PPIA: variants seen among roughly 807,000 people sequenced by gnomAD.
The protein encoded by PPIA is peptidylprolyl isomerase A.
PPIA carries 2 observed loss-of-function variants against 15.3 expected under a neutral mutation model. The ratio of observed to expected loss-of-function variants is 0.13; its 90% CI spans 0.05 to 0.41. The LOEUF (loss-of-function observed/expected upper bound fraction) is 0.41, where lower values mean the gene tolerates loss of function less well. Among genes scored for constraint, PPIA ranks in the 10% least tolerant of loss-of-function variants. PPIA has a pLI of 0.99. For synonymous variants in PPIA, 67 were observed against 73.1 expected (o/e 0.92, Z 0.43); for missense variants, 103 against 210.3 (o/e 0.49, Z 3.16).
At chr7:44,798,900 G>T in intron 1 of PPIA, 1 of 1,061,250 alleles carries the variant, frequency 9.4e-7, no homozygotes, top group Non-Finnish European at 1.1e-6. Context: ...TTAGAATTTT[G>T]CCTTGTAAGT....
chr7:44,799,642 A>C (rs556035722), intron 3 of PPIA, 60 bp from the exon 4 acceptor site: 1 of 1,606,476 alleles, frequency 6.2e-7, no homozygotes, highest in East Asian at 2.2e-5. Flanking sequence ...TGAACCTTGC[A>C]GATTTGGCAC....
intron 4 of PPIA, 63 bp from the exon 5 acceptor site, chr7:44,801,224 C>A (rs2116990537): frequency 6.5e-7 from 1 of 1,549,174 alleles, no homozygotes; most frequent in Non-Finnish European, 8.8e-7. Flanking sequence ...CGTCTTGGTT[C>A]ATGACACATG....
chr7:44,799,514 T>A, intron 3 of PPIA, 34 bp downstream of exon 3: 1 of 1,602,922 alleles, frequency 6.2e-7, no homozygotes, highest in African/African-American at 1.3e-5. Context: ...TTTATTTGGG[T>A]TGCTCCCTTC....
At chr7:44,799,651 A>C in intron 3 of PPIA, 51 bp from the exon 4 acceptor site, 1 of 1,609,950 alleles carries the variant, frequency 6.2e-7, no homozygotes, top group Admixed American at 1.7e-5. Flanking sequence ...CAGATTTGGC[A>C]CACTTCATGG....
rs1160862254 is a variant in PPIA at position 44,802,980 on chromosome 7, A to T, written c.*1558A>T. ...TCTGGTTCCTTCTGCGTGAATTACCACCACCACCACTTGTGCATCTCAGTC... is the reference window on the plus strand; with the variant it reads ...TCTGGTTCCTTCTGCGTGAATTACCTCCACCACCACTTGTGCATCTCAGTC... On this transcript the variant is annotated 3_prime_UTR_variant, in exon 5 of 5. Coordinates refer to ENST00000468812, the MANE Select transcript of PPIA (RefSeq NM_021130.5). 6.6e-6 allele frequency: 1 copy of T among 152,016 alleles called. No homozygotes were observed. 9.4% of individuals were successfully genotyped at this position (152,016 alleles called of 1,614,324 possible).
intron 1 of PPIA, among the ~76,000 whole-genome samples, chr7:44,797,543 C>T (rs1583688612): frequency 6.6e-6 from 1 of 152,154 alleles, no homozygotes; most frequent in African/African-American, 2.4e-5. Flanking sequence ...GGGGGAGGCG[C>T]TCTTGAGCCC....
chr7:44,796,859 G>C, intron 1 of PPIA, 66 bp downstream of exon 1: 1 of 1,513,520 alleles, frequency 6.6e-7, no homozygotes, highest in Non-Finnish European at 9.0e-7. Flanking sequence ...GTGGGTGGTA[G>C]CGCCCCAAAG....
intron 1 of PPIA, 53 bp downstream of exon 1, chr7:44,796,846 G>A (rs1792382565): frequency 3.9e-6 from 6 of 1,554,364 alleles, no homozygotes; most frequent in South Asian, 1.2e-5. Flanking sequence ...GGCCGGGGTC[G>A]GGGTGGGTGG....
At chr7:44,800,737 C>T (rs17860072) in intron 4 of PPIA, among the ~76,000 whole-genome samples, 232 of 151,784 alleles carry the variant, frequency 1.5e-3, no homozygotes, top group Non-Finnish European at 2.4e-3. Context: ...TAATAACATG[C>T]GGTTGGTTGG....
chr7:44,800,248 C>T (rs1182143895), intron 4 of PPIA, among the ~76,000 whole-genome samples: 4 of 152,106 alleles, frequency 2.6e-5, no homozygotes, highest in African/African-American at 4.8e-5. Context: ...GCCAGCATGC[C>T]TGGCTAATTT....
intron 3 of PPIA, 80 bp from the exon 4 acceptor site, chr7:44,799,622 G>A (rs1792485836): frequency 1.3e-6 from 2 of 1,595,048 alleles, no homozygotes; most frequent in South Asian, 2.2e-5. Context: ...TTGAACTTGG[G>A]TTTAAAGTTT....
chr7:44,801,640 TG>T lies in PPIA; in HGVS notation c.*219del, dbSNP rs1792565272. 22 of 415,628 alleles carry T rather than the reference TG, an allele frequency of 5.3e-5. No individual in the cohort carries two copies. The highest frequency in any genetic ancestry group is 9.3e-5 in the Non-Finnish European group (21 of 225,974). The allele number at this position is 415,628 out of a possible 1,614,324, so 25.7% of individuals were successfully genotyped here. ...AAACTAAATAACAATTGTCCTCGTT[TG>T]AGTTAAGAGTGTTGATGTAGGCTTT... On this transcript the variant is annotated 3_prime_UTR_variant, in exon 5 of 5. Coordinates refer to ENST00000468812, the MANE Select transcript of PPIA (RefSeq NM_021130.5).
intron 1 of PPIA, among the ~76,000 whole-genome samples, chr7:44,797,040 T>TCCGC (rs376541230): frequency 1.6e-4 from 24 of 152,186 alleles, no homozygotes; most frequent in Middle Eastern, 3.4e-3. Flanking sequence ...GGGGCCCGCG[T>TCCGC]CCGCCCGCCC....
intron 4 of PPIA, chr7:44,800,493 C>A: frequency 6.5e-6 from 1 of 153,952 alleles, no homozygotes; most frequent in Non-Finnish European, 1.4e-5. Flanking sequence ...AACCTCCTCC[C>A]GGGTTCAAGC....
chr7:44,798,049 G>C (rs1049717200), intron 1 of PPIA: 1 of 152,168 alleles, frequency 6.6e-6, no homozygotes, highest in Non-Finnish European at 1.5e-5. Flanking sequence ...CTGACCTAAT[G>C]TTGGGCATCA....
At chr7:44,799,371 G>A (rs1275496151) in intron 2 of PPIA, 21 bp from the exon 3 acceptor site, 2 of 1,608,914 alleles carry the variant, frequency 1.2e-6, no homozygotes, top group African/African-American at 1.3e-5. Context: ...GTATATATGT[G>A]TTTAATTTTT....
At chr7:44,796,832 A>G in intron 1 of PPIA, 39 bp downstream of exon 1, 1 of 1,520,370 alleles carries the variant, frequency 6.6e-7, no homozygotes, top group Non-Finnish European at 9.0e-7. Flanking sequence ...GGGCCCAGAA[A>G]GTGGGCCGGG....
intron 4 of PPIA, chr7:44,800,397 G>GTTT (rs139479853): frequency 0.027 from 2,467 of 90,948 alleles, 43 homozygotes; most frequent in Non-Finnish European, 0.042. Flanking sequence ...CCAATTAAGT[G>GTTT]CTTTTTTTTT....
At chr7:44,799,973 AGACTTTTTCATCCCT>A in intron 4 of PPIA, 99 bp downstream of exon 4, 1 of 1,249,866 alleles carries the variant, frequency 8.0e-7, no homozygotes, top group Non-Finnish European at 1.1e-6. Flanking sequence ...TTGCTTCCAC[AGACTTTTTCATCCCT>A]AAGATACTAG....
Sources: allele counts gnomAD v4.1 joint callset (sites outside exome capture counted in the v4.1 genomes callset), GRCh38; gene constraint gnomAD v4.1.1; transcripts MANE v1.5; gene names NCBI Gene and HGNC (gene_info 2026-07-23, HGNC 2026-07-21).